Variants in ELMO2 observed in about 807,000 individuals in gnomAD.
ELMO2 encodes engulfment and cell motility 2.
Under a neutral mutation model 96.2 loss-of-function variants are expected in ELMO2, and 37 were observed. The observed-to-expected ratio is 0.38, with a 90% CI of 0.30 to 0.51. ELMO2 has a LOEUF of 0.51. Ranked by LOEUF, ELMO2 falls within the 20% of genes least tolerant of loss-of-function variation. The probability of loss-of-function intolerance (pLI) is 0.88; values close to 1 mark genes in which losing one functional copy is unlikely to be tolerated. For synonymous variants in ELMO2, 315 were observed against 329.4 expected, an observed-to-expected ratio of 0.96 and a Z score of 0.47; for missense variants, 561 against 912.6, an observed-to-expected ratio of 0.61 and a Z score of 4.96.
intron 15 of ELMO2, 47 bp from the exon 16 acceptor site, chr20:46,373,582 G>C: frequency 6.3e-7 from 1 of 1,599,206 alleles, no homozygotes; most frequent in Non-Finnish European, 8.5e-7. Flanking sequence ...CTGTCCACAA[G>C]GGCCTGGGAG....
intron 21 of ELMO2, among the ~76,000 whole-genome samples, chr20:46,368,310 A>G (rs1289765891): frequency 2.6e-5 from 4 of 152,058 alleles, no homozygotes; most frequent in African/African-American, 9.7e-5. Context: ...CACTCATTTA[A>G]TATCTAGTAT....
Position 46,371,732 on chromosome 20 carries a change from GA to G in ELMO2, c.1581-42del, listed in dbSNP as rs774615848. 21 of 1,613,758 alleles carry G rather than the reference GA, an allele frequency of 1.3e-5. No individual in the cohort carries two copies. In the South Asian group the frequency reaches 2.2e-4, roughly 17 times the overall value. On this transcript the variant is annotated intron_variant, in intron 17 of 21. Coordinates refer to ENST00000290246, the MANE Select transcript of ELMO2 (RefSeq NM_133171.5). This position sits in a 1 kb window ranked among gnomAD's most constrained non-coding sequence, Gnocchi z 5.9. Reference sequence around the variant, plus strand: ...ACTGGAGTGAGCGGAAGGTCATGGGGACAGTGGAGCTCTGGAAGGAAAGCAG... The same window carrying G: ...ACTGGAGTGAGCGGAAGGTCATGGGGCAGTGGAGCTCTGGAAGGAAAGCAG...
chr20:46,384,955 A>G (rs2060016389), intron 9 of ELMO2, among the ~76,000 whole-genome samples: 1 of 152,164 alleles, frequency 6.6e-6, no homozygotes, highest in African/African-American at 2.4e-5. Flanking sequence ...CCCTGTCTCA[A>G]AAAAGAAAAG....
intron 6 of ELMO2, among the ~76,000 whole-genome samples, chr20:46,392,795 C>T (rs373659540): frequency 1.2e-4 from 19 of 152,240 alleles, no homozygotes; most frequent in African/African-American, 4.6e-4. Context: ...GACGCCTTCT[C>T]TGGCAAGACT....
chr20:46,388,526 G>A (rs981640239), intron 7 of ELMO2, among the ~76,000 whole-genome samples: 2 of 152,128 alleles, frequency 1.3e-5, no homozygotes, highest in Admixed American at 1.3e-4. Flanking sequence ...CCTCCTCCCT[G>A]TGCAAAAGTG....
chr20:46,399,865 T>C (rs1251619002), intron 1 of ELMO2, among the ~76,000 whole-genome samples: 1 of 152,246 alleles, frequency 6.6e-6, no homozygotes, highest in Non-Finnish European at 1.5e-5. Context: ...ATTTCCATTG[T>C]TTAACAGTTT....
At chr20:46,367,594 G>T in intron 21 of ELMO2, 34 bp from the exon 22 acceptor site, 1 of 1,561,734 alleles carries the variant, frequency 6.4e-7, no homozygotes, top group South Asian at 1.2e-5. Flanking sequence ...GTCACATCGT[G>T]ACCCCTGGTC....
intron 7 of ELMO2, 112 bp downstream of exon 7, chr20:46,388,927 C>G: frequency 9.5e-7 from 1 of 1,055,878 alleles, no homozygotes; most frequent in Non-Finnish European, 1.4e-6. Context: ...GCTCTGCACA[C>G]AGGTGGTATT....
At chr20:46,369,369 C>G (rs1318385611) in intron 20 of ELMO2, 1 of 169,026 alleles carries the variant, frequency 5.9e-6, no homozygotes, top group Non-Finnish European at 1.3e-5. Flanking sequence ...AACACACACA[C>G]ACACAAAATT....
At chr20:46,376,879 T>A in intron 11 of ELMO2, 1 of 1,182,590 alleles carries the variant, frequency 8.5e-7, no homozygotes, top group South Asian at 1.5e-5. Flanking sequence ...TTAAATCAGT[T>A]AAAACAAATT....
intron 2 of ELMO2, among the ~76,000 whole-genome samples, chr20:46,395,135 A>G (rs1431083489): frequency 6.6e-6 from 1 of 152,188 alleles, no homozygotes; most frequent in Admixed American, 6.5e-5. Flanking sequence ...CCTACTGCCA[A>G]GGGCAAGGGC....
rs2059605801 is a variant in ELMO2, at chr20:46,367,453, C to G, written c.2070G>C (p.Arg690=). The G allele has an allele frequency of 1.2e-6, 2 of 1,613,418 alleles. No homozygotes were observed. The highest frequency in any genetic ancestry group is 1.7e-6 in the Non-Finnish European group (2 of 1,179,836). The change falls in exon 22 of 22, where the codon CGG becomes CGC. Residue 690 remains arginine, a synonymous_variant. Transcript: ENST00000290246. ...DTLLSMEMKL[R]LLDLENIQIP... ...TCTGGATGTTCTCCAGGTCCAGGAG[C>G]CGCAGCTTCATCTCCATGCTCAGCA...
intron 6 of ELMO2, 121 bp downstream of exon 6, chr20:46,392,972 T>C (rs913901461): frequency 2.2e-5 from 19 of 878,080 alleles, no homozygotes; most frequent in South Asian, 2.2e-4. Context: ...TATTTCCTGA[T>C]ACAAAAAGAC....
At chr20:46,372,342 G>A (rs2059737310) in intron 16 of ELMO2, among the ~76,000 whole-genome samples, 1 of 152,214 alleles carries the variant, frequency 6.6e-6, no homozygotes, top group African/African-American at 2.4e-5. Flanking sequence ...GATAGGTGTT[G>A]CCATAAAGAA....
chr20:46,378,264 A>G (rs1719778807), intron 11 of ELMO2, among the ~76,000 whole-genome samples: 1 of 152,140 alleles, frequency 6.6e-6, no homozygotes, highest in African/African-American at 2.4e-5. Context: ...GGCTTGACTC[A>G]GTGAAATCCC....
Position 46,368,983 on chromosome 20 carries a change from G to A in ELMO2, c.1885-15C>T, listed in dbSNP as rs980902750. The A allele has an allele frequency of 1.2e-6, 2 of 1,613,634 alleles. No homozygotes were observed. Among genetic ancestry groups the A allele is most frequent in the Non-Finnish European group, 1.7e-6 (2 of 1,179,542 alleles). On this transcript the variant is annotated splice_polypyrimidine_tract_variant and intron_variant, in intron 20 of 21. Transcript: ENST00000290246. The stretch of plus-strand genomic sequence containing the variant: ...TCCAACACCTCCTGAAGGAGAAAGG[G>A]TTTAAATTAGAGCGATGGAACAGCC...
At chr20:46,392,949 T>A in intron 6 of ELMO2, 144 bp downstream of exon 6, 1 of 711,782 alleles carries the variant, frequency 1.4e-6, no homozygotes, top group Non-Finnish European at 2.3e-6. Flanking sequence ...AAGACAGACT[T>A]ATTTTCCTGT....
At chr20:46,396,417 TATATAAATATACATC>T (rs1027993329) in intron 2 of ELMO2, among the ~76,000 whole-genome samples, 5 of 152,210 alleles carry the variant, frequency 3.3e-5, no homozygotes, top group African/African-American at 4.8e-5. Context: ...TATGTTTGTA[TATATAAATATACATC>T]ATATAAATAT....
chr20:46,376,174 G>C (rs1404645654), intron 11 of ELMO2, among the ~76,000 whole-genome samples: 1 of 152,194 alleles, frequency 6.6e-6, no homozygotes, highest in Non-Finnish European at 1.5e-5. Context: ...TAGATGGTGT[G>C]CATGGAGGCA....
Sources: gnomAD v4.1 joint callset for allele counts (sites outside exome capture counted in the v4.1 genomes callset) on GRCh38, gnomAD v4.1.1 for gene constraint, Gnocchi (gnomAD v3.1) non-coding constraint, MANE v1.5 for transcripts, NCBI Gene and HGNC (gene_info 2026-07-23, HGNC 2026-07-21) for gene names.